Variants in MON2 observed in about 807,000 individuals in gnomAD.
The protein encoded by MON2 is protein MON2 homolog.
A neutral mutation model predicts 208.6 loss-of-function variants in MON2; 84 were observed. That is an observed-to-expected ratio of 0.40 (90% confidence interval 0.34 to 0.48). The LOEUF (loss-of-function observed/expected upper bound fraction) is 0.48. Among genes scored for constraint, MON2 ranks in the 20% least tolerant of loss-of-function variants. The pLI is 0.59. For synonymous variants in MON2, 660 were observed against 694.0 expected, an observed-to-expected ratio of 0.95 and a Z score of 0.77; for missense variants, 1,611 against 2,015.4, an observed-to-expected ratio of 0.80 and a Z score of 3.84.
At chr12:62,481,027 CATA>C (rs1200394970) in intron 1 of MON2, among the ~76,000 whole-genome samples, 1 of 152,154 alleles carries the variant, frequency 6.6e-6, no homozygotes, top group Non-Finnish European at 1.5e-5. Context: ...ACAAAATACA[CATA>C]ATAATTTCAG....
intron 2 of MON2, among the ~76,000 whole-genome samples, chr12:62,492,639 G>A (rs1270671468): frequency 6.8e-6 from 1 of 147,132 alleles, no homozygotes; most frequent in African/African-American, 2.5e-5. Flanking sequence ...CCAAAGTGCT[G>A]GGATTACAGG....
At chr12:62,578,042 C>G (rs966252851) in intron 30 of MON2, among the ~76,000 whole-genome samples, 4 of 152,096 alleles carry the variant, frequency 2.6e-5, no homozygotes, top group African/African-American at 7.2e-5. Context: ...TGGACTGTCT[C>G]TGAGTGAATA....
intron 12 of MON2, among the ~76,000 whole-genome samples, chr12:62,534,226 T>TA (rs34549616): frequency 0.4 from 59,299 of 147,660 alleles, 12,211 homozygotes; most frequent in African/African-American, 0.53. Flanking sequence ...CCCTGTCTCT[T>TA]AAAAAAAAAA....
intron 29 of MON2, among the ~76,000 whole-genome samples, chr12:62,570,426 C>T (rs1036458833): frequency 2.6e-5 from 4 of 152,078 alleles, no homozygotes; most frequent in African/African-American, 9.7e-5. Context: ...AAAGTATTGA[C>T]ATTTTATGTT....
At chr12:62,490,719 C>G (rs1490060521) in intron 2 of MON2, among the ~76,000 whole-genome samples, 2 of 152,000 alleles carry the variant, frequency 1.3e-5, no homozygotes, top group African/African-American at 4.8e-5. Flanking sequence ...TTTTGTTGAT[C>G]ATTTATTCTA....
At chr12:62,474,816 G>A in intron 1 of MON2, among the ~76,000 whole-genome samples, 1 of 152,046 alleles carries the variant, frequency 6.6e-6, no homozygotes, top group African/African-American at 2.4e-5. Context: ...TAGCACTGTT[G>A]CCTACTTTAG....
chr12:62,491,646 A>G (rs1248622769), intron 2 of MON2, among the ~76,000 whole-genome samples: 1 of 152,162 alleles, frequency 6.6e-6, no homozygotes, highest in Non-Finnish European at 1.5e-5. Flanking sequence ...CAGGAGTTAG[A>G]AGACATACGG....
At chr12:62,521,503 T>G (rs1352412498) in intron 8 of MON2, among the ~76,000 whole-genome samples, 1 of 152,150 alleles carries the variant, frequency 6.6e-6, no homozygotes, top group Non-Finnish European at 1.5e-5. Flanking sequence ...GCAGACCACC[T>G]GAAATGGTCT....
At chr12:62,504,333 C>T (rs567062606) in intron 7 of MON2, among the ~76,000 whole-genome samples, 9 of 150,910 alleles carry the variant, frequency 6.0e-5, no homozygotes, top group African/African-American at 2.2e-4. Flanking sequence ...CAAGCTCCGC[C>T]TCCCATGTTC....
rs2075472507 is a variant in MON2, at chr12:62,594,212, A to G, written c.*1463A>G. On this transcript the variant is annotated 3_prime_UTR_variant, in exon 35 of 35. Coordinates refer to ENST00000393630, the MANE Select transcript of MON2 (RefSeq NM_015026.3). The stretch of plus-strand genomic sequence containing the variant: ...ATTGGAAGGTCTTTGATCTTAATAG[A>G]ATTTATAAATTTCAGCTTCTCCAGA... 1 of 152,148 alleles carries G rather than the reference A, an allele frequency of 6.6e-6. No homozygotes were observed. The highest frequency in any genetic ancestry group is 1.5e-5 in the Non-Finnish European group (1 of 67,990). The allele number at this position is 152,148 out of a possible 1,614,324, so 9.4% of individuals were successfully genotyped here.
chr12:62,591,116 TTA>T (rs1422085670), intron 34 of MON2, among the ~76,000 whole-genome samples: 1 of 152,166 alleles, frequency 6.6e-6, no homozygotes, highest in Non-Finnish European at 1.5e-5. Flanking sequence ...TAATCTTTTG[TTA>T]AATGATTAGT....
rs181505200 is a variant in MON2, at chr12:62,597,566, A to T, written c.*4817A>T. On this transcript the variant is annotated 3_prime_UTR_variant, in exon 35 of 35. Transcript: ENST00000393630. ...GGAAGTGCCATAAAAAACTAAAAAT[A>T]AAAAAAAATTGTGACTATAACTCCT... 3.3e-5 allele frequency: 5 copies of T among 151,936 alleles called. No individual in the cohort carries two copies. The East Asian group carries it at 7.7e-4, about 23-fold the overall frequency. 9.4% of individuals were successfully genotyped at this position (151,936 alleles called of 1,614,324 possible).
chr12:62,535,866 GT>G (rs1310575546), intron 14 of MON2, among the ~76,000 whole-genome samples, 157 bp downstream of exon 14: 1 of 99,454 alleles, frequency 1.0e-5, no homozygotes, highest in South Asian at 4.0e-4. Flanking sequence ...AAAATATGGG[GT>G]GGGGGGTGGG....
In MON2 at chr12:62,578,430, GT is replaced by G. The variant is rs5798648; in HGVS notation, c.4515-3del. ...AATATTTTATCTTTAAAAATCAAGT[GT>G]TTTTTTTTTTTAGCATACCTCCAGA... On this transcript the variant is annotated splice_polypyrimidine_tract_variant and intron_variant, in intron 30 of 34. Transcript: ENST00000393630. 25,359 of 1,080,958 alleles carry G rather than the reference GT, an allele frequency of 0.023. No individual in the cohort carries two copies. The highest frequency in any genetic ancestry group is 0.027 in the Admixed American group (939 of 34,914). The allele number at this position is 1,080,958 out of a possible 1,614,324, so 67.0% of individuals were successfully genotyped here. A position where few individuals can be genotyped will look rare whatever the true frequency, so the allele number is the denominator to read the frequency against.
In MON2 at chr12:62,526,003, G is replaced by C; in HGVS notation, c.1301G>C (p.Gly434Ala). Residue 434 changes from glycine (G) to alanine (A), a missense_variant, in exon 11 of 35, where the codon GGG (glycine) becomes GCG (alanine). Coordinates refer to ENST00000393630, the MANE Select transcript of MON2 (RefSeq NM_015026.3). ...VSAPANSGMV[G>A]IGGGVTLLPA... The stretch of plus-strand genomic sequence containing the variant: ...GCACCAGCTAACTCAGGAATGGTGG[G>C]GATTGGTGGAGGTGTTACTTTGCTA... The C allele has an allele frequency of 6.2e-7, 1 of 1,613,742 alleles. No homozygotes were observed. The highest frequency in any genetic ancestry group is 1.1e-5 in the South Asian group (1 of 91,076).
Position 62,552,981 on chromosome 12 carries a change from T to A in MON2, c.3017T>A (p.Val1006Asp). ...AQQKQAEEKG[V>D]VLNRPFHPAP... ...CAAAAGCAGGCAGAAGAGAAAGGAGTTGTTTTAAATCGGCCATTCCACCCT... is the reference window on the plus strand; with the variant it reads ...CAAAAGCAGGCAGAAGAGAAAGGAGATGTTTTAAATCGGCCATTCCACCCT... The change falls in exon 24 of 35, where the codon GTT (valine) becomes GAT (aspartate). Residue 1006 changes from valine (V) to aspartate (D), a missense_variant. Transcript: ENST00000393630. 1 of 1,613,820 alleles carries A rather than the reference T, an allele frequency of 6.2e-7. No homozygotes were observed. Among genetic ancestry groups the A allele is most frequent in the African/African-American group, 1.3e-5 (1 of 74,934 alleles).
At chr12:62,559,247 C>T (rs2074108938) in intron 25 of MON2, among the ~76,000 whole-genome samples, 1 of 152,210 alleles carries the variant, frequency 6.6e-6, no homozygotes, top group Non-Finnish European at 1.5e-5. Flanking sequence ...TCATAGCCTA[C>T]TTATGTTGTA....
intron 19 of MON2, among the ~76,000 whole-genome samples, chr12:62,540,579 G>C (rs982745670): frequency 6.6e-6 from 1 of 152,240 alleles, no homozygotes; most frequent in Middle Eastern, 3.4e-3. Context: ...TTAACTTTCA[G>C]TAGTGCAATT....
chr12:62,469,486 G>A (rs1447710721), intron 1 of MON2, among the ~76,000 whole-genome samples: 2 of 152,154 alleles, frequency 1.3e-5, no homozygotes, highest in South Asian at 2.1e-4. Context: ...TATATGGTAC[G>A]TGTTTATAAG....
Sources: gnomAD v4.1 joint callset for allele counts (sites outside exome capture counted in the v4.1 genomes callset) on GRCh38, gnomAD v4.1.1 for gene constraint, MANE v1.5 for transcripts, NCBI Gene and HGNC (gene_info 2026-07-23, HGNC 2026-07-21) for gene names.